Variants in TGFBR2 observed in about 807,000 individuals in gnomAD.
TGFBR2 encodes transforming growth factor beta receptor 2, also known as TGF-beta receptor type-2.
A neutral mutation model predicts 49.0 loss-of-function variants in TGFBR2; 18 were observed. That is an observed-to-expected ratio of 0.37 (90% CI 0.25 to 0.54). TGFBR2 has a LOEUF of 0.54. TGFBR2 is among the 20% of genes least tolerant of loss of function. TGFBR2 has a pLI of 0.85. For synonymous variants in TGFBR2, 282 were observed against 275.9 expected (o/e 1.02, Z -0.22); for missense variants, 525 against 722.6 (o/e 0.73, Z 3.13).
At chr3:30,615,699 G>A (rs747117123) in intron 1 of TGFBR2, among the ~76,000 whole-genome samples, 8 of 151,748 alleles carry the variant, frequency 5.3e-5, no homozygotes, top group Non-Finnish European at 1.2e-4. Flanking sequence ...CATATTTGTA[G>A]TATTTATAGC....
chr3:30,626,892 G>A (rs1698341211), intron 1 of TGFBR2: 1 of 152,106 alleles, frequency 6.6e-6, no homozygotes, highest in Non-Finnish European at 1.5e-5. Flanking sequence ...CAGGTCAAAG[G>A]GTTTCTGATA....
chr3:30,606,898 G>T lies in TGFBR2; in HGVS notation c.15G>T (p.Leu5=). The T allele has an allele frequency of 1.3e-6, 2 of 1,586,680 alleles. No homozygotes were observed. Among genetic ancestry groups the T allele is most frequent in the East Asian group, 2.3e-5 (1 of 43,332 alleles). The change falls in exon 1 of 7, where the codon CTG becomes CTT. Residue 5 remains leucine, a synonymous_variant. Coordinates refer to ENST00000295754, the MANE Select transcript of TGFBR2 (RefSeq NM_003242.6). MGRG[L]LRGLWPLHIV... The stretch of plus-strand genomic sequence containing the variant: ...CGGGGTCTGCCATGGGTCGGGGGCT[G>T]CTCAGGGGCCTGTGGCCGCTGCACA...
rs2125457428 is a variant in TGFBR2, at chr3:30,692,979, T to C, written c.*1380T>C. 3 of 233,216 alleles carry C rather than the reference T, an allele frequency of 1.3e-5. No homozygotes were observed. In the East Asian group the frequency reaches 1.8e-4, roughly 14 times the overall value. The allele number at this position is 233,216 out of a possible 1,614,324, so 14.4% of individuals were successfully genotyped here. A position where few individuals can be genotyped will look rare whatever the true frequency, so the allele number is the denominator to read the frequency against. Reference sequence around the variant, plus strand: ...TTTCCACTGCCTACCTGGACCCCAGTCTAGGAATTAAATCTGCACCTAACC... The same window carrying C: ...TTTCCACTGCCTACCTGGACCCCAGCCTAGGAATTAAATCTGCACCTAACC... On this transcript the variant is annotated 3_prime_UTR_variant, in exon 7 of 7. Transcript: ENST00000295754.
rs778675253 is a variant in TGFBR2 at position 30,650,460 on chromosome 3, G to T, written c.454G>T (p.Glu152Ter). 1 of 1,613,850 alleles carries T rather than the reference G, an allele frequency of 6.2e-7. No homozygotes were observed. The highest frequency in any genetic ancestry group is 8.5e-7 in the Non-Finnish European group (1 of 1,179,934). ...CAATGACAACATCATCTTCTCAGAA[G>T]GTGAGTTTTCTTCTCTTAAGGGTGT... ...ECNDNIIFSEEYNTSNPDLLL... is the reference protein window; with the variant it reads ...ECNDNIIFSE The change falls in exon 3 of 7, where the codon GAA becomes TAA. Residue 152 changes from glutamate (E) to a stop codon, truncating the protein, a stop_gained and splice_region_variant. Transcript: ENST00000295754. LOFTEE classifies it high-confidence loss of function.
At chr3:30,638,798 CTTTG>C (rs1698589730) in intron 1 of TGFBR2, among the ~76,000 whole-genome samples, 1 of 152,070 alleles carries the variant, frequency 6.6e-6, no homozygotes, top group Non-Finnish European at 1.5e-5. Flanking sequence ...TGACTTTCTT[CTTTG>C]TTCTGGGTGG....
intron 2 of TGFBR2, among the ~76,000 whole-genome samples, chr3:30,648,145 G>T (rs1481484986): frequency 6.6e-6 from 1 of 152,134 alleles, no homozygotes; most frequent in East Asian, 1.9e-4. Context: ...AGTTAGCTGT[G>T]CCTGGCTGTT....
At chr3:30,690,676 G>C (rs551867614) in intron 6 of TGFBR2, among the ~76,000 whole-genome samples, 8 of 152,260 alleles carry the variant, frequency 5.3e-5, no homozygotes, top group Non-Finnish European at 1.0e-4. Flanking sequence ...TCTGGAAAAG[G>C]CAAAAACTAC....
At chr3:30,688,356 A>T (rs2125451500) in intron 5 of TGFBR2, 28 bp from the exon 6 acceptor site, 1 of 1,614,020 alleles carries the variant, frequency 6.2e-7, no homozygotes, top group Non-Finnish European at 8.5e-7. Flanking sequence ...ATTCTCAGTG[A>T]CCCTGTGTTT....
chr3:30,668,648 G>A (rs76248649), intron 3 of TGFBR2, among the ~76,000 whole-genome samples: 29,168 of 151,720 alleles, frequency 0.19, 2,974 homozygotes, highest in Admixed American at 0.23. Context: ...CCCTACTCTT[G>A]CCTGTTCTTT....
intron 3 of TGFBR2, among the ~76,000 whole-genome samples, chr3:30,652,154 T>C (rs1020299076): frequency 5.3e-5 from 8 of 152,108 alleles, no homozygotes; most frequent in Non-Finnish European, 1.0e-4. Context: ...AGGGCAACGC[T>C]TTCCAGATTA....
rs1697926566 is a variant in TGFBR2 at position 30,606,710 on chromosome 3, GCCTCCAGGCCC to G, written c.-168_-158del. 2.4e-6 allele frequency: 1 copy of G among 417,802 alleles called. No homozygotes were observed. Among genetic ancestry groups the G allele is most frequent in the African/African-American group, 2.1e-5 (1 of 48,758 alleles). 25.9% of individuals were successfully genotyped at this position (417,802 alleles called of 1,614,324 possible). A position where few individuals can be genotyped will look rare whatever the true frequency, so the allele number is the denominator to read the frequency against. ...CCGGGGGCCTCCCCGCGCCTCGCCG[GCCTCCAGGCCC>G]CCTCCTGGCTGGCGAGCGGGCGCCA... On this transcript the variant is annotated 5_prime_UTR_variant, in exon 1 of 7. Transcript: ENST00000295754.
At chr3:30,618,879 T>C (rs1698178627) in intron 1 of TGFBR2, among the ~76,000 whole-genome samples, 1 of 152,188 alleles carries the variant, frequency 6.6e-6, no homozygotes, top group Non-Finnish European at 1.5e-5. Flanking sequence ...ACTGTAGGCT[T>C]TTTCATTGAT....
rs1026172857 is a variant in TGFBR2 at position 30,615,058 on chromosome 3, A to G, written c.94+8081A>G. Among the ~76,000 whole-genome samples, 8 of 152,200 alleles carry G rather than the reference A, an allele frequency of 5.3e-5. No individual in the cohort carries two copies. In the South Asian group the frequency reaches 8.3e-4, roughly 16 times the overall value. On this transcript the variant is annotated intron_variant, in intron 1 of 6. Transcript: ENST00000295754. The stretch of plus-strand genomic sequence containing the variant: ...ACATCATGCCTGTCTTGTGATCTCA[A>G]TGGAAAAATGAAGTGTATACCTCAA...
At chr3:30,636,231 G>A (rs1352383337) in intron 1 of TGFBR2, among the ~76,000 whole-genome samples, 2 of 150,274 alleles carry the variant, frequency 1.3e-5, no homozygotes, top group East Asian at 2.0e-4. Flanking sequence ...GTGAGCCACC[G>A]CACCCGGCCC....
intron 1 of TGFBR2, among the ~76,000 whole-genome samples, chr3:30,633,259 T>C (rs1232717662): frequency 6.6e-6 from 1 of 152,206 alleles, no homozygotes; most frequent in Non-Finnish European, 1.5e-5. Context: ...GTGGTTGTGA[T>C]AAGTAAATGA....
In TGFBR2 at chr3:30,650,318, C is replaced by T. The variant is rs2125410036; in HGVS notation, c.312C>T (p.Pro104=). ...NITLETVCHD[P]KLPYHDFILE... is the part of the protein sequence containing the mutation. ...CACTAGAGACAGTTTGCCATGACCC[C>T]AAGCTCCCCTACCATGACTTTATTC... The change falls in exon 3 of 7, where the codon CCC becomes CCT. Residue 104 remains proline (P), a synonymous_variant. Transcript: ENST00000295754. 1 of 1,614,032 alleles carries T rather than the reference C, an allele frequency of 6.2e-7. No homozygotes were observed.
chr3:30,647,844 A>AT (rs1202552172), intron 2 of TGFBR2, among the ~76,000 whole-genome samples: 12 of 151,774 alleles, frequency 7.9e-5, no homozygotes, highest in African/African-American at 2.2e-4. Context: ...CACGTGGCTA[A>AT]TTTTTTGTAT....
chr3:30,630,908 G>T (rs1287359613), intron 1 of TGFBR2, among the ~76,000 whole-genome samples: 1 of 152,070 alleles, frequency 6.6e-6, no homozygotes, highest in African/African-American at 2.4e-5. Flanking sequence ...TTTTGGACTT[G>T]TCAGCCTCTA....
At chr3:30,688,237 T>C (rs1699656973) in intron 5 of TGFBR2, 147 bp from the exon 6 acceptor site, 2 of 997,388 alleles carry the variant, frequency 2.0e-6, no homozygotes, top group South Asian at 2.6e-5. Flanking sequence ...TCTTAGCCAT[T>C]ATTATTAAAA....
Sources: gnomAD v4.1 joint callset for allele counts (sites outside exome capture counted in the v4.1 genomes callset) on GRCh38, gnomAD v4.1.1 for gene constraint, MANE v1.5 for transcripts, NCBI Gene and HGNC (gene_info 2026-07-23, HGNC 2026-07-21) for gene names.